Variants in SWT1 observed in about 807,000 individuals in gnomAD.
SWT1 encodes SWT1 RNA endoribonuclease homolog, also known as transcriptional protein SWT1.
A neutral mutation model predicts 107.3 loss-of-function variants in SWT1; 33 were observed. That is an observed-to-expected ratio of 0.31 (90% CI 0.23 to 0.41). SWT1 has a LOEUF of 0.41. Among genes scored for constraint, SWT1 ranks in the 10% least tolerant of loss-of-function variants. The pLI is 1.00. For missense variants in SWT1, 898 were observed against 1,028.9 expected (o/e 0.87, Z 1.74); for synonymous variants, 345 against 348.3 (o/e 0.99, Z 0.11).
At chr1:185,229,310 C>T (rs1011796292) in intron 15 of SWT1, among the ~76,000 whole-genome samples, 1 of 152,074 alleles carries the variant, frequency 6.6e-6, no homozygotes, top group Admixed American at 6.6e-5. Flanking sequence ...GCCGATACAG[C>T]TCAAGAGACA....
chr1:185,188,542 A>G (rs1047158524), intron 9 of SWT1, among the ~76,000 whole-genome samples: 1 of 152,226 alleles, frequency 6.6e-6, no homozygotes, highest in Non-Finnish European at 1.5e-5. Context: ...ATGTCCTGAC[A>G]TAGTTGAGCT....
At chr1:185,246,072 A>G (rs1431882762) in intron 16 of SWT1, among the ~76,000 whole-genome samples, 1 of 151,962 alleles carries the variant, frequency 6.6e-6, no homozygotes, top group Non-Finnish European at 1.5e-5. Context: ...CCAGTCTTAC[A>G]TTATAATCTT....
chr1:185,219,095 T>A (rs183385494), intron 14 of SWT1, among the ~76,000 whole-genome samples: 1 of 152,370 alleles, frequency 6.6e-6, no homozygotes, highest in Admixed American at 6.5e-5. Flanking sequence ...TTATGTCTAT[T>A]CATTAAATTC....
chr1:185,198,287 A>G (rs1267119675), intron 10 of SWT1, among the ~76,000 whole-genome samples: 1 of 152,216 alleles, frequency 6.6e-6, no homozygotes, highest in African/African-American at 2.4e-5. Context: ...ATTTGATTAC[A>G]CTGTGGTCTG....
intron 10 of SWT1, among the ~76,000 whole-genome samples, chr1:185,201,290 C>G (rs143433834): frequency 1.3e-5 from 2 of 152,262 alleles, no homozygotes; most frequent in African/African-American, 4.8e-5. Context: ...TCAGGCGCCA[C>G]TGGGATATGA....
chr1:185,159,496 T>C (rs1653953441), intron 1 of SWT1, among the ~76,000 whole-genome samples: 1 of 152,076 alleles, frequency 6.6e-6, no homozygotes, highest in African/African-American at 2.4e-5. Context: ...AGTGAGTGAA[T>C]TGGAAGTGGT....
chr1:185,208,983 A>T (rs141918842), intron 13 of SWT1, among the ~76,000 whole-genome samples: 3 of 152,280 alleles, frequency 2.0e-5, no homozygotes, highest in African/African-American at 7.2e-5. Context: ...TTACTGGGCA[A>T]AAGTTTTTTC....
chr1:185,216,868 C>A (rs994954825), intron 14 of SWT1, among the ~76,000 whole-genome samples: 5 of 151,888 alleles, frequency 3.3e-5, no homozygotes, highest in Non-Finnish European at 7.4e-5. Flanking sequence ...AGGAGAATTA[C>A]CTGAACCCAG....
chr1:185,192,793 G>A (rs1006391126), intron 10 of SWT1, among the ~76,000 whole-genome samples: 17 of 151,808 alleles, frequency 1.1e-4, no homozygotes, highest in African/African-American at 4.1e-4. Context: ...GATTACAGGT[G>A]AGTGCCACCA....
At chr1:185,256,202 C>T (rs1278809719) in intron 16 of SWT1, among the ~76,000 whole-genome samples, 13 of 151,854 alleles carry the variant, frequency 8.6e-5, no homozygotes, top group Non-Finnish European at 1.9e-4. Context: ...TTCTCTCTGG[C>T]TGCCCTTAAC....
intron 18 of SWT1, among the ~76,000 whole-genome samples, chr1:185,278,965 A>G (rs1000855507): frequency 9.9e-5 from 15 of 152,232 alleles, no homozygotes; most frequent in Admixed American, 9.2e-4. Flanking sequence ...TGAGGATATC[A>G]GATGTAGGAT....
intron 7 of SWT1, among the ~76,000 whole-genome samples, chr1:185,183,847 C>A (rs2102383590): frequency 6.6e-6 from 1 of 152,250 alleles, no homozygotes; most frequent in South Asian, 2.1e-4. Flanking sequence ...GTCTAAAGGA[C>A]TTCTCTTAAG....
At chr1:185,214,724 A>G in intron 14 of SWT1, 69 bp downstream of exon 14, 3 of 1,270,158 alleles carry the variant, frequency 2.4e-6, no homozygotes, top group Admixed American at 2.3e-5. Flanking sequence ...TTTAGCAGAC[A>G]ACAGTAGGTA....
Position 185,223,844 on chromosome 1 carries a change from A to G in SWT1, c.2309+1808A>G, listed in dbSNP as rs548554810. 2.0e-5 allele frequency among the ~76,000 whole-genome samples: 3 copies of G among 152,016 alleles called. No individual in the cohort carries two copies. The East Asian group carries it at 5.8e-4, about 29-fold the overall frequency. On this transcript the variant is annotated intron_variant, in intron 15 of 18. Coordinates refer to ENST00000367500, the MANE Select transcript of SWT1 (RefSeq NM_017673.7). ...GCCCCAGTGTTCATTGCTCCCCTCC[A>G]TGTGTCCATGTGTTCTCATCATTTA...
At chr1:185,257,551 C>T (rs973348546) in intron 16 of SWT1, among the ~76,000 whole-genome samples, 3 of 151,974 alleles carry the variant, frequency 2.0e-5, no homozygotes, top group Non-Finnish European at 4.4e-5. Context: ...TTTCCAGGCG[C>T]GTCTGTCACC....
chr1:185,199,816 C>G (rs1032035474), intron 10 of SWT1, among the ~76,000 whole-genome samples: 12 of 152,156 alleles, frequency 7.9e-5, no homozygotes, highest in Non-Finnish European at 5.9e-5. Flanking sequence ...GGAAGTTCTC[C>G]TGGATAATAT....
At chr1:185,263,062 C>CA (rs1400140564) in intron 16 of SWT1, among the ~76,000 whole-genome samples, 3 of 152,184 alleles carry the variant, frequency 2.0e-5, no homozygotes, top group African/African-American at 7.2e-5. Context: ...GCTGGCATTA[C>CA]AGGCATGAGC....
intron 15 of SWT1, among the ~76,000 whole-genome samples, chr1:185,225,277 C>G (rs12024023): frequency 0.33 from 49,416 of 151,962 alleles, 8,243 homozygotes; most frequent in Non-Finnish European, 0.36. Flanking sequence ...CCCACTTGAT[C>G]ATAGTGAACT....
At chr1:185,194,066 G>T (rs1657185224) in intron 10 of SWT1, among the ~76,000 whole-genome samples, 1 of 152,006 alleles carries the variant, frequency 6.6e-6, no homozygotes, top group Non-Finnish European at 1.5e-5. Flanking sequence ...ATCATTCCTG[G>T]TTCTAAAGTC....
Sources: allele counts gnomAD v4.1 joint callset (sites outside exome capture counted in the v4.1 genomes callset), GRCh38; gene constraint gnomAD v4.1.1; transcripts MANE v1.5; gene names NCBI Gene and HGNC (gene_info 2026-07-23, HGNC 2026-07-21).